Variants in AMBRA1 observed in about 807,000 individuals in gnomAD.
AMBRA1 encodes autophagy and beclin 1 regulator 1.
In AMBRA1, 47 loss-of-function variants were observed where a neutral mutation model predicts 125.4. The ratio of observed to expected loss-of-function variants is 0.37; its 90% CI spans 0.30 to 0.48. The LOEUF is 0.48. Among genes scored for constraint, AMBRA1 ranks in the 20% least tolerant of loss-of-function variants. The pLI, the probability that AMBRA1 is intolerant of heterozygous loss-of-function variation, is 0.99. For missense variants in AMBRA1, 1,331 were observed against 1,693.4 expected, an observed-to-expected ratio of 0.79 and a Z score of 3.76; for synonymous variants, 626 against 655.5, an observed-to-expected ratio of 0.95 and a Z score of 0.69.
chr11:46,545,867 T>C, intron 4 of AMBRA1, 91 bp from the exon 5 acceptor site: 1 of 1,286,144 alleles, frequency 7.8e-7, no homozygotes, highest in East Asian at 2.4e-5. Context: ...TAAGGTAAAA[T>C]GACTATGTCT....
intron 5 of AMBRA1, among the ~76,000 whole-genome samples, chr11:46,545,006 A>G (rs1281955259): frequency 6.6e-6 from 1 of 151,966 alleles, no homozygotes; most frequent in Non-Finnish European, 1.5e-5. Flanking sequence ...ACACACCTGT[A>G]GTCCCAGATA....
At chr11:46,525,804 T>G (rs1591031245) in intron 7 of AMBRA1, among the ~76,000 whole-genome samples, 1 of 151,240 alleles carries the variant, frequency 6.6e-6, no homozygotes, top group African/African-American at 2.4e-5. Context: ...CCCAGCTACT[T>G]GTGAGGCTGA....
intron 11 of AMBRA1, among the ~76,000 whole-genome samples, chr11:46,476,850 C>G (rs1044210977): frequency 6.6e-6 from 1 of 152,152 alleles, no homozygotes; most frequent in African/African-American, 2.4e-5. Flanking sequence ...TGGTGCCTCA[C>G]GCCTGTAATT....
intron 14 of AMBRA1, among the ~76,000 whole-genome samples, chr11:46,426,029 C>G (rs899666124): frequency 4.0e-5 from 6 of 151,056 alleles, no homozygotes; most frequent in Admixed American, 3.9e-4. Flanking sequence ...CTCCTGTAGT[C>G]CCAGCTACTC....
chr11:46,427,394 C>A (rs927357693), intron 14 of AMBRA1, among the ~76,000 whole-genome samples: 1 of 152,144 alleles, frequency 6.6e-6, no homozygotes, highest in Admixed American at 6.5e-5. Flanking sequence ...AGCAAGCAAT[C>A]TAATGTTTAT....
At chr11:46,414,749 C>T (rs527747705) in intron 15 of AMBRA1, among the ~76,000 whole-genome samples, 45 of 152,212 alleles carry the variant, frequency 3.0e-4, no homozygotes, top group Admixed American at 1.5e-3. Flanking sequence ...CCAGGAAGGG[C>T]GGGATGACTG....
chr11:46,540,546 C>G (rs1952687765), intron 7 of AMBRA1, among the ~76,000 whole-genome samples: 1 of 152,158 alleles, frequency 6.6e-6, no homozygotes, highest in Non-Finnish European at 1.5e-5. Flanking sequence ...TCTTTCACAT[C>G]TAGTCAAGTC....
chr11:46,397,924 A>G lies in AMBRA1; in HGVS notation c.3423T>C (p.Gly1141=), dbSNP rs1372850171. The G allele has an allele frequency of 6.3e-7, 1 of 1,594,992 alleles. No homozygotes were observed. Among genetic ancestry groups the G allele is most frequent in the South Asian group, 1.1e-5 (1 of 91,002 alleles). Residue 1141 remains glycine (G), a synonymous_variant, in exon 18 of 18, where the codon GGT becomes GGC. Transcript: ENST00000683756. The stretch of plus-strand genomic sequence containing the variant: ...TGCTGAGCGCATCTTCTCCACTGGC[A>G]CCATACTCTGAACCCTCACCTGGCA... ...GPGEGEGSEY[G]ASGEDALSRI...
chr11:46,478,467 A>G (rs919520473), intron 11 of AMBRA1, among the ~76,000 whole-genome samples: 3 of 152,196 alleles, frequency 2.0e-5, no homozygotes, highest in Admixed American at 1.3e-4. Flanking sequence ...CCTCCAGCAC[A>G]GAAATACAGG....
At chr11:46,525,457 T>C (rs1458590793) in intron 7 of AMBRA1, among the ~76,000 whole-genome samples, 1 of 151,466 alleles carries the variant, frequency 6.6e-6, no homozygotes, top group Non-Finnish European at 1.5e-5. Context: ...AACTTAGATG[T>C]GTCAAGTCTG....
intron 8 of AMBRA1, 86 bp downstream of exon 8, chr11:46,512,641 A>T: frequency 1.0e-6 from 1 of 999,978 alleles, no homozygotes; most frequent in Non-Finnish European, 1.5e-6. Context: ...AGGACCAGAG[A>T]GGCACAGAAC....
At chr11:46,421,036 T>G (rs1193025699) in intron 14 of AMBRA1, among the ~76,000 whole-genome samples, 1 of 152,232 alleles carries the variant, frequency 6.6e-6, no homozygotes, top group Admixed American at 6.5e-5. Context: ...TTACCTTTTA[T>G]CATTTGTTGC....
chr11:46,507,815 G>C (rs1372215299), intron 9 of AMBRA1, among the ~76,000 whole-genome samples: 1 of 152,154 alleles, frequency 6.6e-6, no homozygotes, highest in Non-Finnish European at 1.5e-5. Flanking sequence ...CTGCTTAGGA[G>C]AAAAAACACC....
At chr11:46,521,945 G>A (rs1951779805) in intron 7 of AMBRA1, among the ~76,000 whole-genome samples, 1 of 152,202 alleles carries the variant, frequency 6.6e-6, no homozygotes, top group African/African-American at 2.4e-5. Flanking sequence ...ACAATTCACA[G>A]AGTGCAAAAT....
At chr11:46,482,247 T>C (rs1156725480) in intron 11 of AMBRA1, among the ~76,000 whole-genome samples, 2 of 152,206 alleles carry the variant, frequency 1.3e-5, no homozygotes, top group Non-Finnish European at 2.9e-5. Flanking sequence ...TTCAGCATGA[T>C]GGGCAATGTT....
chr11:46,549,849 C>T (rs1171148316), intron 1 of AMBRA1, among the ~76,000 whole-genome samples: 2 of 152,060 alleles, frequency 1.3e-5, no homozygotes, highest in Admixed American at 6.6e-5. Flanking sequence ...GACAGAGTCT[C>T]ACTCTGTGGC....
chr11:46,465,777 C>T (rs889986454), intron 11 of AMBRA1, among the ~76,000 whole-genome samples: 1 of 152,222 alleles, frequency 6.6e-6, no homozygotes, highest in Admixed American at 6.5e-5. Context: ...ATTAGCACTT[C>T]TCATAAGTAA....
At chr11:46,433,692 C>T (rs1947561763) in intron 13 of AMBRA1, 64 bp from the exon 14 acceptor site, 1 of 1,519,500 alleles carries the variant, frequency 6.6e-7, no homozygotes, top group Admixed American at 1.9e-5. Context: ...AAACAACTTT[C>T]ACTCTTACTC....
intron 11 of AMBRA1, among the ~76,000 whole-genome samples, chr11:46,467,624 C>T (rs1949386458): frequency 1.3e-5 from 2 of 151,152 alleles, no homozygotes; most frequent in Admixed American, 1.3e-4. Context: ...TCTCAGCTCA[C>T]TGCAACCTCT....
Sources: allele counts gnomAD v4.1 joint callset (sites outside exome capture counted in the v4.1 genomes callset), GRCh38; gene constraint gnomAD v4.1.1; transcripts MANE v1.5; gene names NCBI Gene and HGNC (gene_info 2026-07-23, HGNC 2026-07-21).